The following APOB variants were observed in gnomAD, a reference collection of about 807,000 sequenced individuals.
APOB encodes apolipoprotein B.
In APOB, 153 loss-of-function variants were observed where a neutral mutation model predicts 314.1. The observed-to-expected ratio is 0.49, with a 90% CI of 0.43 to 0.56. The LOEUF (loss-of-function observed/expected upper bound fraction) is 0.56, where lower values mean the gene tolerates loss of function less well. Ranked by LOEUF, APOB falls within the 20% of genes least tolerant of loss-of-function variation. The pLI is 0.00. For missense variants in APOB, 5,430 were observed against 5,350.7 expected, an observed-to-expected ratio of 1.01 and a Z score of -0.46; for synonymous variants, 2,087 against 2,036.4, an observed-to-expected ratio of 1.02 and a Z score of -0.67.
intron 9 of APOB, among the ~76,000 whole-genome samples, chr2:21,032,992 A>G (rs1424907664): frequency 6.6e-6 from 1 of 152,134 alleles, no homozygotes; most frequent in African/African-American, 2.4e-5. Flanking sequence ...ACCAGCCTAT[A>G]AGCTTCTGGA....
At position 21,016,640 on chromosome 2, in the gene APOB, T is replaced by A. The variant is rs759488020; in HGVS notation, c.3131A>T (p.Gln1044Leu). Reference sequence around the variant, plus strand: ...TTTGAATGTCATGGTAGCCTCAGTCTGCTTCGCACCTGGACGAGTGTATAA... The same window carrying A: ...TTTGAATGTCATGGTAGCCTCAGTCAGCTTCGCACCTGGACGAGTGTATAA... ...KFVTQAEGAKQTEATMTFKYN... is the reference protein window; with the variant it reads ...KFVTQAEGAKLTEATMTFKYN... Residue 1044 changes from glutamine (Q) to leucine (L), a missense_variant, in exon 21 of 29, where the codon CAG (glutamine) becomes CTG (leucine). Physicochemically the swap from Gln to Leu is moderately radical, Grantham distance 113 (BLOSUM62 -2). This residue lies in a region of APOB where 2,085 missense variants were observed against 2,079.7 expected (regional missense o/e 1.00). Coordinates refer to ENST00000233242, the MANE Select transcript of APOB (RefSeq NM_000384.3). The A allele has an allele frequency of 6.2e-7, 1 of 1,600,480 alleles. No homozygotes were observed. Among genetic ancestry groups the A allele is most frequent in the Non-Finnish European group, 8.6e-7 (1 of 1,167,670 alleles).
In APOB at chr2:21,032,450, G is replaced by A. The variant is rs748870011; in HGVS notation, c.1256C>T (p.Pro419Leu). The A allele has an allele frequency of 3.1e-6, 5 of 1,614,170 alleles. No individual in the cohort carries two copies. The highest frequency in any genetic ancestry group is 4.2e-6 in the Non-Finnish European group (5 of 1,180,042). ...TCGCAGCTGCTGTGCTGAGGGCTCG[G>A]GGATCAGGGCCACCAGGTAGGTGAC... is the stretch of plus-strand genomic sequence containing the variant. Reference protein sequence around the residue: ...DVVTYLVALIPEPSAQQLREI... With the variant: ...DVVTYLVALILEPSAQQLREI... The change falls in exon 10 of 29, where the codon CCC becomes CTC. Residue 419 changes from proline (P) to leucine (L), a missense_variant. Around this residue, in one of 3 missense-constraint regions of APOB, gnomAD observed 2,085 missense variants for 2,079.7 expected, o/e 1.00. Transcript: ENST00000233242.
intron 12 of APOB, among the ~76,000 whole-genome samples, chr2:21,028,998 T>C (rs1047357252): frequency 6.6e-6 from 1 of 152,174 alleles, no homozygotes; most frequent in Non-Finnish European, 1.5e-5. Flanking sequence ...TAAGCATGTT[T>C]TTCCATGATG....
In APOB at chr2:21,002,462, C is replaced by A; in HGVS notation, c.12960G>T (p.Met4320Ile). Residue 4320 changes from methionine (M) to isoleucine (I), a missense_variant, in exon 29 of 29, where the codon ATG becomes ATT. This residue lies in a region of APOB where 3,281 missense variants were observed against 3,171.0 expected (regional missense o/e 1.03). Coordinates refer to ENST00000233242, the MANE Select transcript of APOB (RefSeq NM_000384.3). ...TATAATTAATAAGATAAGTAAATTT[C>A]ATCTCTTTCAGCTGTTTAATGTTAT... ...IEDNIKQLKE[M>I]KFTYLINYIQ... 2 of 1,606,728 alleles carry A rather than the reference C, an allele frequency of 1.2e-6. No homozygotes were observed. Among genetic ancestry groups the A allele is most frequent in the African/African-American group, 1.3e-5 (1 of 74,650 alleles).
chr2:21,031,568 A>C lies in APOB; in HGVS notation c.1352+786T>G, dbSNP rs536214019. 2.6e-5 allele frequency among the ~76,000 whole-genome samples: 4 copies of C among 152,380 alleles called. No individual in the cohort carries two copies. The South Asian group carries it at 8.3e-4, about 32-fold the overall frequency. On this transcript the variant is annotated intron_variant, in intron 10 of 28. Transcript: ENST00000233242. Reference sequence around the variant, plus strand: ...AACTACTGCACAATCTATTCATGTAACAAAATTACACTTGTTCCACATAAA... The same window carrying C: ...AACTACTGCACAATCTATTCATGTACCAAAATTACACTTGTTCCACATAAA...
intron 12 of APOB, among the ~76,000 whole-genome samples, 168 bp from the exon 13 acceptor site, chr2:21,028,706 C>G (rs1264182875): frequency 6.6e-6 from 1 of 152,170 alleles, no homozygotes; most frequent in African/African-American, 2.4e-5. Flanking sequence ...TTTCCTAGAG[C>G]ACTATCAAGT....
Position 21,002,521 on chromosome 2 carries a change from C to T in APOB, c.12901G>A (p.Asp4301Asn), listed in dbSNP as rs759900048. The change falls in exon 29 of 29, where the codon GAC becomes AAC. Residue 4301 changes from aspartate to asparagine, a missense_variant. Transcript: ENST00000233242. ...AGTTGGAAAATGAATTGTAAAAGGTCCTGAAGATTACGTAGCACCTCTGTG... is the reference window on the plus strand; with the variant it reads ...AGTTGGAAAATGAATTGTAAAAGGTTCTGAAGATTACGTAGCACCTCTGTG... ...KTTEVLRNLQDLLQFIFQLIE... is the reference protein window; with the variant it reads ...KTTEVLRNLQNLLQFIFQLIE... The T allele has an allele frequency of 5.0e-6, 8 of 1,613,488 alleles. No homozygotes were observed. Among genetic ancestry groups the T allele is most frequent in the Non-Finnish European group, 6.8e-6 (8 of 1,179,586 alleles).
In APOB at chr2:21,003,240, T is replaced by A. The variant is rs747772556; in HGVS notation, c.12182A>T (p.Glu4061Val). 3.1e-6 allele frequency: 5 copies of A among 1,613,994 alleles called. No homozygotes were observed. The highest frequency in any genetic ancestry group is 4.2e-6 in the Non-Finnish European group (5 of 1,179,940). Residue 4061 changes from glutamate to valine, a missense_variant, in exon 29 of 29, where the codon GAG becomes GTG. Around this residue, in one of 3 missense-constraint regions of APOB, gnomAD observed 3,281 missense variants for 3,171.0 expected, o/e 1.03. Transcript: ENST00000233242. The part of the protein sequence containing the change: ...ETQIKVNWEE[E>V]AASGLLTSLK... ...AGAGGTTAGCAAGCCAGAAGCTGCC[T>A]CTTCTTCCCAATTAACTTTGATCTG...
At position 21,035,766 on chromosome 2, in the gene APOB, C is replaced by A. The variant is rs767786863; in HGVS notation, c.694-58G>T. On this transcript the variant is annotated intron_variant, in intron 6 of 28. Coordinates refer to ENST00000233242, the MANE Select transcript of APOB (RefSeq NM_000384.3). ...CAGTCCCTGTATCTTCTGTTAAAAG[C>A]ATTTACCTTCAAGGTAGAAGGGAGC... 2.8e-5 allele frequency: 44 copies of A among 1,578,364 alleles called. 1 individual carries two copies. Among genetic ancestry groups the A allele is most frequent in the Non-Finnish European group, 3.6e-5 (41 of 1,151,494 alleles).
At position 21,035,686 on chromosome 2, in the gene APOB, A is replaced by C; in HGVS notation, c.716T>G (p.Ile239Ser). 1 of 1,614,070 alleles carries C rather than the reference A, an allele frequency of 6.2e-7. No homozygotes were observed. The highest frequency in any genetic ancestry group is 8.5e-7 in the Non-Finnish European group (1 of 1,180,026). ...KGMTRPLSTL[I>S]SSSQSCQYTL... is the part of the protein sequence containing the mutation. ...GTACTGACAGGACTGGCTGCTGCTG[A>C]TCAGAGTTGACAAGGGGCGGGTCTA... The change falls in exon 7 of 29, where the codon ATC (isoleucine) becomes AGC (serine). Residue 239 changes from isoleucine (I) to serine (S), a missense_variant. By Grantham distance (142) the Ile-to-Ser change is moderately radical (BLOSUM62 -2). Coordinates refer to ENST00000233242, the MANE Select transcript of APOB (RefSeq NM_000384.3).
rs1026128597 is a variant in APOB, at chr2:21,011,261, G to A, written c.5607C>T (p.Asn1869=). The part of the protein sequence containing the change: ...VQGVEFSHRL[N]TDIAGLASAI... ...CTGAAGCCAGCCCAGCGATGTCTGTGTTGAGCCGATGGCTAAACTCCACAC... is the reference window on the plus strand; with the variant it reads ...CTGAAGCCAGCCCAGCGATGTCTGTATTGAGCCGATGGCTAAACTCCACAC... The change falls in exon 26 of 29, where the codon AAC becomes AAT. Residue 1869 remains asparagine, a synonymous_variant. Coordinates refer to ENST00000233242, the MANE Select transcript of APOB (RefSeq NM_000384.3). The A allele has an allele frequency of 2.5e-6, 4 of 1,614,224 alleles. No homozygotes were observed. The highest frequency in any genetic ancestry group is 1.1e-5 in the South Asian group (1 of 91,086).
chr2:21,006,550 A>C lies in APOB; in HGVS notation c.10318T>G (p.Phe3440Val), dbSNP rs13306192. 2.6e-5 allele frequency: 42 copies of C among 1,613,968 alleles called. No individual in the cohort carries two copies. The East Asian group carries it at 9.4e-4, about 36-fold the overall frequency. The change falls in exon 26 of 29, where the codon TTC (phenylalanine) becomes GTC (valine). Residue 3440 changes from phenylalanine to valine, a missense_variant. By Grantham distance (50) the Phe-to-Val change is conservative. This residue lies in a region of APOB where 3,281 missense variants were observed against 3,171.0 expected (regional missense o/e 1.03). Coordinates refer to ENST00000233242, the MANE Select transcript of APOB (RefSeq NM_000384.3). ...GTATTTCCATTAAGTTCTTGCTTGA[A>C]ATTCATTCTCAAAATTGGAATTTGG... Reference protein sequence around the residue: ...KAQIPILRMNFKQELNGNTKS... With the variant: ...KAQIPILRMNVKQELNGNTKS...
chr2:21,013,658 G>A (rs1184392097), intron 24 of APOB, 125 bp from the exon 25 acceptor site: 1 of 1,347,916 alleles, frequency 7.4e-7, no homozygotes, highest in Non-Finnish European at 1.1e-6. Context: ...ACTTTTCTTT[G>A]TGCTACTCCT....
At chr2:21,004,222 T>G in intron 28 of APOB, 47 bp downstream of exon 28, 2 of 1,595,158 alleles carry the variant, frequency 1.3e-6, no homozygotes, top group Non-Finnish European at 1.7e-6. Flanking sequence ...TCTGCCCCAA[T>G]TCTCCACTCG....
Position 21,014,610 on chromosome 2 carries a change from G to T in APOB, c.3697-17C>A. 1.2e-6 allele frequency: 2 copies of T among 1,613,886 alleles called. No homozygotes were observed. Among genetic ancestry groups the T allele is most frequent in the Non-Finnish European group, 1.7e-6 (2 of 1,179,822 alleles). ...GCTCATTGCCTACAAAATGACAGGA[G>T]ATTTTTAAGGTAATGGGCTTGGATG... On this transcript the variant is annotated splice_polypyrimidine_tract_variant and intron_variant, in intron 23 of 28. Transcript: ENST00000233242.
In APOB at chr2:21,019,841, G is replaced by T; in HGVS notation, c.2881C>A (p.Gln961Lys). The change falls in exon 19 of 29, where the codon CAG becomes AAG. Residue 961 changes from glutamine to lysine, a missense_variant. Coordinates refer to ENST00000233242, the MANE Select transcript of APOB (RefSeq NM_000384.3). ...EVIPPLIENR[Q>K]SWSVCKQVFP... is the part of the protein sequence containing the mutation. Reference sequence around the variant, plus strand: ...ACTTGCTTGCAAACTGACCAGGACTGCCTGTTCTCAATGAGAGGTGGGATC... The same window carrying T: ...ACTTGCTTGCAAACTGACCAGGACTTCCTGTTCTCAATGAGAGGTGGGATC... 6.2e-7 allele frequency: 1 copy of T among 1,614,158 alleles called. No homozygotes were observed. Among genetic ancestry groups the T allele is most frequent in the Non-Finnish European group, 8.5e-7 (1 of 1,180,022 alleles).
intron 19 of APOB, 22 bp downstream of exon 19, chr2:21,019,701 T>C: frequency 6.2e-7 from 1 of 1,612,716 alleles, no homozygotes. Context: ...AAATGCTGGG[T>C]CAGGCACTGA....
In APOB at chr2:21,007,277, G is replaced by A. The variant is rs1558561951; in HGVS notation, c.9591C>T (p.Ile3197=). 1.2e-6 allele frequency: 2 copies of A among 1,613,600 alleles called. No individual in the cohort carries two copies. The highest frequency in any genetic ancestry group is 4.5e-5 in the East Asian group (2 of 44,886). ...TNPLAVLCEF[I]SQSIKSFDRH... ...TGTCAAAGGATTTGATGCTCTGACTGATAAACTCACAAAGCACAGCCAAAG... is the reference window on the plus strand; with the variant it reads ...TGTCAAAGGATTTGATGCTCTGACTAATAAACTCACAAAGCACAGCCAAAG... Residue 3197 remains isoleucine (I), a synonymous_variant, in exon 26 of 29, where the codon ATC becomes ATT. Coordinates refer to ENST00000233242, the MANE Select transcript of APOB (RefSeq NM_000384.3).
In APOB at chr2:21,012,194, A is replaced by C; in HGVS notation, c.4674T>G (p.Thr1558=). The C allele has an allele frequency of 6.2e-7, 1 of 1,602,384 alleles. No homozygotes were observed. The highest frequency in any genetic ancestry group is 8.5e-7 in the Non-Finnish European group (1 of 1,173,262). Residue 1558 remains threonine (T), a synonymous_variant, in exon 26 of 29, where the codon ACT becomes ACG. Coordinates refer to ENST00000233242, the MANE Select transcript of APOB (RefSeq NM_000384.3). ...SDLQSGIIKN[T]ASLKYENYEL... Reference sequence around the variant, plus strand: ...CGTAGTTCTCATACTTTAGGGAAGCAGTATTTTTAATGATGCCACTTTGCA... The same window carrying C: ...CGTAGTTCTCATACTTTAGGGAAGCCGTATTTTTAATGATGCCACTTTGCA...
Sources: allele counts gnomAD v4.1 joint callset (sites outside exome capture counted in the v4.1 genomes callset), GRCh38; gene constraint gnomAD v4.1.1; regional missense constraint gnomAD v4.1.1; transcripts MANE v1.5; gene names NCBI Gene and HGNC (gene_info 2026-07-23, HGNC 2026-07-21).